The following LRMDA variants were observed in gnomAD, a reference collection of about 807,000 sequenced individuals.
LRMDA encodes leucine-rich melanocyte differentiation-associated protein.
Under a neutral mutation model 29.8 loss-of-function variants are expected in LRMDA, and 18 were observed. The observed-to-expected ratio is 0.60, with a 90% CI of 0.42 to 0.90. The LOEUF is 0.90. Among genes scored for constraint, LRMDA ranks in the 40% least tolerant of loss-of-function variants. The pLI is 0.00. For synonymous variants in LRMDA, 125 were observed against 109.4 expected, an observed-to-expected ratio of 1.14 and a Z score of -0.89; for missense variants, 273 against 273.9, an observed-to-expected ratio of 1.00 and a Z score of 0.02.
At chr10:75,823,651 A>G (rs185069017) in intron 2 of LRMDA, among the ~76,000 whole-genome samples, 6 of 151,338 alleles carry the variant, frequency 4.0e-5, no homozygotes, top group Admixed American at 3.9e-4. Flanking sequence ...CAATCAACCT[A>G]AGTATCCATC....
At chr10:75,787,128 C>T (rs1004208350) in intron 2 of LRMDA, among the ~76,000 whole-genome samples, 1 of 152,198 alleles carries the variant, frequency 6.6e-6, no homozygotes, top group Non-Finnish European at 1.5e-5. Context: ...TTGAGTGTCT[C>T]TATCTTTTCT....
chr10:75,697,104 A>G (rs1842244178), intron 2 of LRMDA, among the ~76,000 whole-genome samples: 1 of 152,176 alleles, frequency 6.6e-6, no homozygotes, highest in South Asian at 2.1e-4. Context: ...GGCAGTGAGG[A>G]GATGTTCAGC....
At chr10:75,597,595 T>G (rs1318328597) in intron 2 of LRMDA, among the ~76,000 whole-genome samples, 1 of 152,206 alleles carries the variant, frequency 6.6e-6, no homozygotes, top group Non-Finnish European at 1.5e-5. Context: ...GGTGTGACTT[T>G]CATATCAGTC....
chr10:76,353,759 A>G (rs757620178), intron 6 of LRMDA, among the ~76,000 whole-genome samples: 10 of 152,044 alleles, frequency 6.6e-5, no homozygotes, highest in Non-Finnish European at 1.2e-4. Flanking sequence ...GGTGCTGGCC[A>G]TTTGTGTTTT....
At chr10:75,482,301 G>A (rs865959134) in intron 2 of LRMDA, among the ~76,000 whole-genome samples, 1 of 152,118 alleles carries the variant, frequency 6.6e-6, no homozygotes, top group African/African-American at 2.4e-5. Flanking sequence ...ATGAACTCAC[G>A]TGGAGCAGAC....
At chr10:75,457,806 TC>T (rs1844538061) in intron 2 of LRMDA, among the ~76,000 whole-genome samples, 1 of 152,220 alleles carries the variant, frequency 6.6e-6, no homozygotes. Context: ...GTTTCTGGGT[TC>T]CAGGGGAAAG....
intron 5 of LRMDA, among the ~76,000 whole-genome samples, chr10:76,130,836 T>A (rs951430803): frequency 6.6e-6 from 1 of 152,018 alleles, no homozygotes; most frequent in African/African-American, 2.4e-5. Flanking sequence ...ATGTTTTGTA[T>A]TTTTTTAGTA....
At chr10:75,494,097 T>A (rs1048499956) in intron 2 of LRMDA, among the ~76,000 whole-genome samples, 3 of 152,202 alleles carry the variant, frequency 2.0e-5, no homozygotes, top group Admixed American at 6.5e-5. Context: ...TAAATTTTCC[T>A]TAAGTGAAAA....
intron 2 of LRMDA, among the ~76,000 whole-genome samples, chr10:75,961,728 C>G (rs973123414): frequency 8.5e-5 from 13 of 152,180 alleles, no homozygotes; most frequent in Admixed American, 7.2e-4. Context: ...TAATGCTTTC[C>G]TCTAAAGTTG....
chr10:75,630,192 C>G (rs1841305045), intron 2 of LRMDA, among the ~76,000 whole-genome samples: 1 of 152,162 alleles, frequency 6.6e-6, no homozygotes, highest in South Asian at 2.1e-4. Flanking sequence ...TTCCTCCTGG[C>G]TGGGTGGGCC....
intron 5 of LRMDA, among the ~76,000 whole-genome samples, chr10:76,088,424 G>T (rs934867776): frequency 6.6e-6 from 1 of 152,144 alleles, no homozygotes; most frequent in Admixed American, 6.5e-5. Flanking sequence ...CTTAAAATTT[G>T]TCTACTTTTT....
chr10:76,253,034 G>A (rs557887294), intron 5 of LRMDA, among the ~76,000 whole-genome samples: 34 of 152,314 alleles, frequency 2.2e-4, no homozygotes, highest in Non-Finnish European at 4.7e-4. Context: ...GGCATCTGCC[G>A]TGTGTTATTG....
chr10:76,125,669 C>T (rs1300795690), intron 5 of LRMDA, among the ~76,000 whole-genome samples: 3 of 152,050 alleles, frequency 2.0e-5, no homozygotes, highest in Admixed American at 6.6e-5. Flanking sequence ...AGGAGGAGGG[C>T]GTGATGGCTG....
At chr10:76,055,177 G>A (rs935518760) in intron 4 of LRMDA, among the ~76,000 whole-genome samples, 1 of 151,900 alleles carries the variant, frequency 6.6e-6, no homozygotes, top group African/African-American at 2.4e-5. Flanking sequence ...AGGTTAGCAG[G>A]TATTTGGAGG....
chr10:76,084,259 G>A (rs1164820869), intron 5 of LRMDA, among the ~76,000 whole-genome samples: 2 of 151,438 alleles, frequency 1.3e-5, no homozygotes, highest in Admixed American at 1.3e-4. Flanking sequence ...GTACAGTGGT[G>A]TGATCTTGGC....
In LRMDA at chr10:75,946,038, A is replaced by C. The variant is rs535035367; in HGVS notation, c.132-89970A>C. Among the ~76,000 whole-genome samples, 4 of 152,360 alleles carry C rather than the reference A, an allele frequency of 2.6e-5. No homozygotes were observed. In the South Asian group the frequency reaches 6.2e-4, roughly 24 times the overall value. ...CTAGAATAGGCAACTGCTCAGATGC[A>C]CTGGCTAGGATTCCCATGGGAGACA... On this transcript the variant is annotated intron_variant, in intron 2 of 6. Transcript: ENST00000611255.
chr10:75,975,111 C>T (rs1403634852), intron 2 of LRMDA, among the ~76,000 whole-genome samples: 4 of 152,176 alleles, frequency 2.6e-5, no homozygotes, highest in African/African-American at 4.8e-5. Flanking sequence ...TCCTTTGGGA[C>T]GGAGTTATTT....
At chr10:75,434,471 C>T (rs995854067) in intron 1 of LRMDA, among the ~76,000 whole-genome samples, 20 of 152,288 alleles carry the variant, frequency 1.3e-4, no homozygotes, top group Non-Finnish European at 1.8e-4. Context: ...GAAGAGGAAA[C>T]AGACTCGAAG....
chr10:76,478,578 C>T lies in LRMDA; in HGVS notation c.602-78631C>T, dbSNP rs1842702979. On this transcript the variant is annotated intron_variant, in intron 6 of 6. Transcript: ENST00000611255. ...ACCCAAAGGATTATAAATGATGCTGCTATAAAGACACATGTACACGTATGT... is the reference window on the plus strand; with the variant it reads ...ACCCAAAGGATTATAAATGATGCTGTTATAAAGACACATGTACACGTATGT... 2.0e-5 allele frequency among the ~76,000 whole-genome samples: 3 copies of T among 152,076 alleles called. No individual in the cohort carries two copies. The South Asian group carries it at 6.2e-4, about 32-fold the overall frequency.
Sources: gnomAD v4.1 joint callset for allele counts (sites outside exome capture counted in the v4.1 genomes callset) on GRCh38, gnomAD v4.1.1 for gene constraint, MANE v1.5 for transcripts, NCBI Gene and HGNC (gene_info 2026-07-23, HGNC 2026-07-21) for gene names.